The following MICAL1 variants were observed in gnomAD, a reference collection of about 807,000 sequenced individuals.
The protein encoded by MICAL1 is [F-actin]-monooxygenase MICAL1.
MICAL1 carries 95 observed loss-of-function variants against 131.8 expected under a neutral mutation model. The observed-to-expected ratio is 0.72, with a 90% CI of 0.61 to 0.86. The LOEUF (loss-of-function observed/expected upper bound fraction) is 0.86. MICAL1 is among the 40% of genes least tolerant of loss of function. MICAL1 has a pLI of 0.00. For missense variants in MICAL1, 1,292 were observed against 1,380.6 expected (o/e 0.94, Z 1.02); for synonymous variants, 546 against 554.2 (o/e 0.99, Z 0.21).
chr6:109,454,303 G>C, intron 1 of MICAL1, 64 bp from the exon 2 acceptor site: 132 of 1,414,466 alleles, frequency 9.3e-5, no homozygotes, highest in Middle Eastern at 2.1e-4. Flanking sequence ...GGAAGGGGAG[G>C]CGAAGAGAGC....
At chr6:109,464,518 A>C (rs1160557296) in intron 1 of MICAL1, 1 of 152,232 alleles carries the variant, frequency 6.6e-6, no homozygotes, top group Non-Finnish European at 1.5e-5. Flanking sequence ...GAAAGTGGTA[A>C]AAGAATTCAA....
In MICAL1 at chr6:109,445,277, C is replaced by A; in HGVS notation, c.2801G>T (p.Arg934Leu). The A allele has an allele frequency of 6.2e-7, 1 of 1,614,102 alleles. No individual in the cohort carries two copies. The highest frequency in any genetic ancestry group is 8.5e-7 in the Non-Finnish European group (1 of 1,180,040). ...RFCKAQTIQR[R>L]LNEIEAALRE... Reference sequence around the variant, plus strand: ...CAAGGCAGCCTCAATCTCATTTAGTCGCCGTTGGATGGTCTGAGGGGTACA... The same window carrying A: ...CAAGGCAGCCTCAATCTCATTTAGTAGCCGTTGGATGGTCTGAGGGGTACA... Residue 934 changes from arginine (R) to leucine (L), a missense_variant, in exon 22 of 25, where the codon CGA (arginine) becomes CTA (leucine). Physicochemically the swap from Arg to Leu is moderately radical, Grantham distance 102. Transcript: ENST00000358807.
In MICAL1 at chr6:109,452,299, C is replaced by A. The variant is rs778256042; in HGVS notation, c.779G>T (p.Gly260Val). ...GCTCTGGTTGTAGATCCTGGCTACA[C>A]CACTGATCTCCGGCACCTGTGTCTC... is the stretch of plus-strand genomic sequence containing the variant. ...VEETQVPEIS[G>V]VARIYNQSFF... The change falls in exon 6 of 25, where the codon GGT becomes GTT. Residue 260 changes from glycine to valine, a missense_variant. By Grantham distance (109) the Gly-to-Val change is moderately radical. Transcript: ENST00000358807. 3 of 1,614,064 alleles carry A rather than the reference C, an allele frequency of 1.9e-6. No homozygotes were observed. The highest frequency in any genetic ancestry group is 2.5e-6 in the Non-Finnish European group (3 of 1,180,038).
chr6:109,450,068 G>T lies in MICAL1; in HGVS notation c.1209C>A (p.Gly403=), dbSNP rs149626008. ...CCAGGAAGCCCCGTGCCACTCCAGT[G>T]CCCAGGGGCCAGAAGGGCTGCAGTG... ...DCLVEPFWPL[G]TGVARGFLAA... The change falls in exon 9 of 25, where the codon GGC becomes GGA. Residue 403 remains glycine, a synonymous_variant. Transcript: ENST00000358807. 8.4e-5 allele frequency: 135 copies of T among 1,613,880 alleles called. No homozygotes were observed. Among genetic ancestry groups the T allele is most frequent in the Non-Finnish European group, 1.1e-4 (131 of 1,179,966 alleles).
At chr6:109,453,586 T>C (rs1775624574) in intron 3 of MICAL1, 52 bp downstream of exon 3, 2 of 1,542,652 alleles carry the variant, frequency 1.3e-6, no homozygotes, top group Admixed American at 2.0e-5. Flanking sequence ...CCCACTGGCC[T>C]GCCTCTAGGC....
At chr6:109,449,592 G>A in intron 10 of MICAL1, 65 bp downstream of exon 10, 1 of 1,601,054 alleles carries the variant, frequency 6.2e-7, no homozygotes, top group Non-Finnish European at 8.5e-7. Flanking sequence ...GACTGGGCAG[G>A]GAGGGCCTGA....
Position 109,447,100 on chromosome 6 carries a change from C to T in MICAL1, c.2200G>A (p.Gly734Ser). The T allele has an allele frequency of 6.2e-7, 1 of 1,614,152 alleles. No individual in the cohort carries two copies. The highest frequency in any genetic ancestry group is 1.1e-5 in the South Asian group (1 of 91,082). The change falls in exon 17 of 25, where the codon GGT becomes AGT. Residue 734 changes from glycine (G) to serine (S), a missense_variant. Gly to Ser is a moderately conservative substitution (Grantham distance 56). Transcript: ENST00000358807. ...CHTCEATLWP[G>S]GYEQHPGDGH... ...TCTCCTGGGTGCTGCTCGTAGCCAC[C>T]TGGCCACAGTGTGGCCTCACAGGTA... is the stretch of plus-strand genomic sequence containing the variant.
In MICAL1 at chr6:109,444,433, C is replaced by G. The variant is rs886805468; in HGVS notation, c.3056-94G>C. On this transcript the variant is annotated intron_variant, in intron 24 of 24. Coordinates refer to ENST00000358807, the MANE Select transcript of MICAL1 (RefSeq NM_022765.4). Reference sequence around the variant, plus strand: ...CCCAGCCTATGTGATTTCTATAACCCGGGCTTTGTTTCCTAAGCTGCCAAA... The same window carrying G: ...CCCAGCCTATGTGATTTCTATAACCGGGGCTTTGTTTCCTAAGCTGCCAAA... 3.0e-5 allele frequency: 47 copies of G among 1,557,438 alleles called. No individual in the cohort carries two copies. In the African/African-American group the frequency reaches 5.5e-4, roughly 18 times the overall value.
intron 6 of MICAL1, 146 bp from the exon 7 acceptor site, chr6:109,451,846 A>AT (rs773513801): frequency 5.6e-6 from 8 of 1,434,638 alleles, no homozygotes; most frequent in Non-Finnish European, 7.3e-6. Context: ...ACGAGTCCTG[A>AT]TGACACAAAC....
intron 3 of MICAL1, 25 bp from the exon 4 acceptor site, chr6:109,453,392 C>T: frequency 6.2e-7 from 1 of 1,608,160 alleles, no homozygotes; most frequent in Non-Finnish European, 8.5e-7. Context: ...ACATTAGGAA[C>T]AGGGACCCTA....
rs771102259 is a variant in MICAL1 at position 109,452,618 on chromosome 6, AG to A, written c.572-4del. 3 of 1,611,386 alleles carry A rather than the reference AG, an allele frequency of 1.9e-6. No homozygotes were observed. Among genetic ancestry groups the A allele is most frequent in the Non-Finnish European group, 2.5e-6 (3 of 1,178,986 alleles). The stretch of plus-strand genomic sequence containing the variant: ...GAGCTGGGCACGCCAGCCACTCCCT[AG>A]GGCAGGGGGTATGAGAGGCACAAAG... On this transcript the variant is annotated splice_region_variant and splice_polypyrimidine_tract_variant and intron_variant, in intron 4 of 24. Transcript: ENST00000358807.
chr6:109,451,825 C>T, intron 6 of MICAL1, 125 bp from the exon 7 acceptor site: 1 of 1,478,268 alleles, frequency 6.8e-7, no homozygotes, highest in Admixed American at 2.2e-5. Context: ...GTGCTCCACG[C>T]ATAGAACCCC....
chr6:109,445,029 A>C (rs1355130078), intron 22 of MICAL1, 34 bp from the exon 23 acceptor site: 7 of 1,607,726 alleles, frequency 4.4e-6, no homozygotes, highest in Non-Finnish European at 5.9e-6. Context: ...GGTGATCAGG[A>C]GGCTTCCAGC....
rs960860441 is a variant in MICAL1 at position 109,455,212 on chromosome 6, G to C, written c.-44+507C>G. ...ATGGAGGAGGCGGGTGTCCACGGCA[G>C]CGTTAGGGAGGGTGAATGGCAGCAG... is the stretch of plus-strand genomic sequence containing the variant. On this transcript the variant is annotated intron_variant, in intron 1 of 24. Coordinates refer to ENST00000358807, the MANE Select transcript of MICAL1 (RefSeq NM_022765.4). This position sits in a 1 kb window ranked among gnomAD's most constrained non-coding sequence, Gnocchi z 4.7. Among the ~76,000 whole-genome samples, 2 of 152,230 alleles carry C rather than the reference G, an allele frequency of 1.3e-5. No homozygotes were observed. The highest frequency in any genetic ancestry group is 2.9e-5 in the Non-Finnish European group (2 of 68,032).
chr6:109,453,734 C>T lies in MICAL1; in HGVS notation c.370G>A (p.Val124Met), dbSNP rs1256879195. 8 of 1,613,830 alleles carry T rather than the reference C, an allele frequency of 5.0e-6. No individual in the cohort carries two copies. The highest frequency in any genetic ancestry group is 1.3e-5 in the African/African-American group (1 of 75,068). Residue 124 changes from valine to methionine, a missense_variant, in exon 3 of 25, where the codon GTG (valine) becomes ATG (methionine). Transcript: ENST00000358807. The stretch of plus-strand genomic sequence containing the variant: ...ATGGTGAAGGGCCAGAGGTGGAGCA[C>T]GTTGTGGCGAGAGAACTTGGTGCGC... ...EKRTKFSRHNVLHLWPFTIHD... is the reference protein window; with the variant it reads ...EKRTKFSRHNMLHLWPFTIHD...
upstream of MICAL1, among the ~76,000 whole-genome samples, chr6:109,458,592 G>A (rs190611763): frequency 1.5e-3 from 233 of 151,916 alleles, 2 homozygotes; most frequent in East Asian, 9.7e-4. Context: ...GTGAAACTCC[G>A]TCCAAAAAAA....
In MICAL1 at chr6:109,447,381, C is replaced by G. The variant is rs1775278058; in HGVS notation, c.2046G>C (p.Leu682=). 8 of 1,613,382 alleles carry G rather than the reference C, an allele frequency of 5.0e-6. No homozygotes were observed. The Admixed American group carries it at 1.0e-4, about 20-fold the overall frequency. ...CCTCCTGGTGTTGGGATGGGGGTGTCAGGGGTACACCAGGCTCTGGGTCAG... is the reference window on the plus strand; with the variant it reads ...CCTCCTGGTGTTGGGATGGGGGTGTGAGGGGTACACCAGGCTCTGGGTCAG... ...VPPDPEPGVP[L]TPPSQHQEAG... Residue 682 remains leucine (L), a synonymous_variant, in exon 16 of 25, where the codon CTG becomes CTC. Transcript: ENST00000358807.
chr6:109,463,877 T>C (rs1425783392), intron 1 of MICAL1: 1 of 152,246 alleles, frequency 6.6e-6, no homozygotes, highest in Non-Finnish European at 1.5e-5. Context: ...ACATTTAAAG[T>C]GACCTATGTT....
In MICAL1 at chr6:109,448,288, G is replaced by C. The variant is rs768860144; in HGVS notation, c.1770C>G (p.Ala590=). The C allele has an allele frequency of 6.2e-7, 1 of 1,613,888 alleles. No homozygotes were observed. The highest frequency in any genetic ancestry group is 1.7e-4 in the Middle Eastern group (1 of 6,060). The change falls in exon 13 of 25, where the codon GCC becomes GCG. Residue 590 remains alanine, a synonymous_variant. Transcript: ENST00000358807. ...LGITPVVSAQ[A]VVAGSDPLGL... ...CCAGTGGGTCACTCCCTGCTACCAC[G>C]GCCTGTGCAGACACCACCGGTGTGA...
Sources: allele counts gnomAD v4.1 joint callset (sites outside exome capture counted in the v4.1 genomes callset), GRCh38; gene constraint gnomAD v4.1.1; non-coding constraint Gnocchi (gnomAD v3.1); transcripts MANE v1.5; gene names NCBI Gene and HGNC (gene_info 2026-07-23, HGNC 2026-07-21).